Variants in AARS1 observed in about 807,000 individuals in gnomAD.
AARS1 encodes the protein alanyl-tRNA synthetase 1.
A neutral mutation model predicts 108.9 loss-of-function variants in AARS1; 72 were observed. The ratio of observed to expected loss-of-function variants is 0.66; its 90% confidence interval spans 0.55 to 0.80. AARS1 has a LOEUF of 0.80. Ranked by LOEUF, AARS1 falls within the 30% of genes least tolerant of loss-of-function variation. The pLI is 0.00. For missense variants in AARS1, 1,193 were observed against 1,233.2 expected (o/e 0.97, Z 0.49); for synonymous variants, 489 against 465.7 (o/e 1.05, Z -0.64).
At chr16:70,286,054 G>A (rs1451551266) in intron 1 of AARS1, among the ~76,000 whole-genome samples, 1 of 152,158 alleles carries the variant, frequency 6.6e-6, no homozygotes, top group African/African-American at 2.4e-5. Flanking sequence ...ATCATATGCA[G>A]AATTAACTGC....
intron 14 of AARS1, 65 bp from the exon 15 acceptor site, chr16:70,258,282 G>A: frequency 2.0e-6 from 3 of 1,527,952 alleles, no homozygotes; most frequent in South Asian, 2.4e-5. Context: ...CGACGAGGCA[G>A]GAAAGCATGG....
At position 70,252,699 on chromosome 16, in the gene AARS1, T is replaced by C. The variant is rs1000072923; in HGVS notation, c.*22A>G. ...CTCTTGGCTGGACGGATGGATCCAG[T>C]GGGAGCCTCCTCCTTCCCCACTCAG... On this transcript the variant is annotated 3_prime_UTR_variant, in exon 21 of 21. Coordinates refer to ENST00000261772, the MANE Select transcript of AARS1 (RefSeq NM_001605.3). The C allele has an allele frequency of 1.7e-5, 27 of 1,613,104 alleles. No homozygotes were observed. Among genetic ancestry groups the C allele is most frequent in the Non-Finnish European group, 2.3e-5 (27 of 1,179,732 alleles).
rs761976449 is a variant in AARS1 at position 70,258,122 on chromosome 16, G to A, written c.2088C>T (p.Val696=). 1.1e-5 allele frequency: 18 copies of A among 1,613,494 alleles called. No homozygotes were observed. The highest frequency in any genetic ancestry group is 6.7e-5 in the African/African-American group (5 of 74,926). ...FDETYPDPVR[V]VSIGVPVSEL... is the part of the protein sequence containing the mutation. ...CGGACACCGGGACCCCAATGGAGAC[G>A]ACTCGCACAGGGTCAGGATAGGTCT... Residue 696 remains valine (V), a synonymous_variant, in exon 15 of 21, where the codon GTC becomes GTT. Transcript: ENST00000261772.
In AARS1 at chr16:70,270,000, A is replaced by C. The variant is rs553239906; in HGVS notation, c.816+196T>G. Among the ~76,000 whole-genome samples the C allele has an allele frequency of 1.3e-3, 197 of 152,010 alleles. 1 individual carries two copies. The highest frequency in any genetic ancestry group is 6.4e-3 in the South Asian group (31 of 4,818). ...ACATTATTATTTTTTTTTTGTAGTC[A>C]GCTATTTAATTAGGTTCTTAAGACA... On this transcript the variant is annotated intron_variant, in intron 6 of 20. Coordinates refer to ENST00000261772, the MANE Select transcript of AARS1 (RefSeq NM_001605.3).
intron 2 of AARS1, among the ~76,000 whole-genome samples, chr16:70,278,962 GT>G (rs1960622430): frequency 6.6e-6 from 1 of 152,212 alleles, no homozygotes; most frequent in Non-Finnish European, 1.5e-5. Context: ...TGGCAACAGA[GT>G]TCGGCGTAAA....
chr16:70,260,674 T>G (rs549243455), intron 13 of AARS1, among the ~76,000 whole-genome samples: 1 of 151,586 alleles, frequency 6.6e-6, no homozygotes, highest in East Asian at 1.9e-4. Context: ...AGGACAATTT[T>G]TTTTTTGAGG....
At chr16:70,266,633 T>C (rs1960270272) in intron 9 of AARS1, among the ~76,000 whole-genome samples, 1 of 151,816 alleles carries the variant, frequency 6.6e-6, no homozygotes, top group Non-Finnish European at 1.5e-5. Flanking sequence ...GCGATTCTCC[T>C]GCTTCAGTCT....
At chr16:70,288,497 A>G (rs907096344) in intron 1 of AARS1, among the ~76,000 whole-genome samples, 2 of 148,506 alleles carry the variant, frequency 1.3e-5, no homozygotes, top group Non-Finnish European at 3.0e-5. Context: ...CGCTTCATGG[A>G]TTGTTTAATG....
In AARS1 at chr16:70,268,938, G is replaced by A. The variant is rs147218535; in HGVS notation, c.963-559C>T. On this transcript the variant is annotated intron_variant, in intron 7 of 20. Transcript: ENST00000261772. ...GTTTCATAAAGAGGCCGGGCATGGT[G>A]GCTCACACCTGTAATCCCATCACTT... Among the ~76,000 whole-genome samples, 23 of 152,292 alleles carry A rather than the reference G, an allele frequency of 1.5e-4. No homozygotes were observed. The East Asian group carries it at 4.4e-3, about 29-fold the overall frequency.
At chr16:70,275,756 CCAA>C (rs577828514) in intron 4 of AARS1, among the ~76,000 whole-genome samples, 17 of 149,610 alleles carry the variant, frequency 1.1e-4, no homozygotes, top group South Asian at 4.2e-4. Flanking sequence ...GAGCGAGACT[CCAA>C]CAACAACAAC....
In AARS1 at chr16:70,264,996, G is replaced by A; in HGVS notation, c.1454C>T (p.Pro485Leu). ...GGAGTCCAAATGGTAATTGTACTTT[G>A]GGGAATCATCTGTGACCTCCAGACC... The part of the protein sequence containing the change: ...ARGLEVTDDS[P>L]KYNYHLDSSG... The change falls in exon 11 of 21, where the codon CCA becomes CTA. Residue 485 changes from proline to leucine, a missense_variant. Coordinates refer to ENST00000261772, the MANE Select transcript of AARS1 (RefSeq NM_001605.3). 1 of 1,614,120 alleles carries A rather than the reference G, an allele frequency of 6.2e-7. No individual in the cohort carries two copies. The highest frequency in any genetic ancestry group is 1.7e-5 in the Admixed American group (1 of 60,000).
chr16:70,252,355 A>C lies in AARS1; in HGVS notation c.*366T>G. 2.8e-6 allele frequency: 1 copy of C among 357,086 alleles called. No individual in the cohort carries two copies. Among genetic ancestry groups the C allele is most frequent in the Non-Finnish European group, 5.2e-6 (1 of 191,712 alleles). The allele number at this position is 357,086 out of a possible 1,614,324, so 22.1% of individuals were successfully genotyped here. A position where few individuals can be genotyped will look rare whatever the true frequency, so the allele number is the denominator to read the frequency against. ...AAGGCTGTCAAAAGAGCCAGCCCCT[A>C]TTGGGAAGAGGGATAGAGATCATGC... On this transcript the variant is annotated 3_prime_UTR_variant, in exon 21 of 21. Transcript: ENST00000261772.
intron 1 of AARS1, among the ~76,000 whole-genome samples, chr16:70,288,836 G>C (rs1051336247): frequency 1.3e-5 from 2 of 152,058 alleles, no homozygotes; most frequent in Non-Finnish European, 2.9e-5. Flanking sequence ...CAAAGCGCTG[G>C]GATTACAGGC....
chr16:70,260,492 G>C (rs368045599), intron 13 of AARS1, among the ~76,000 whole-genome samples: 12 of 152,152 alleles, frequency 7.9e-5, no homozygotes. Flanking sequence ...AGTAGGTGAC[G>C]TTAGAAAAGC....
chr16:70,273,645 G>T (rs1960464308), intron 4 of AARS1, among the ~76,000 whole-genome samples: 1 of 151,572 alleles, frequency 6.6e-6, no homozygotes, highest in Admixed American at 6.6e-5. Flanking sequence ...GGCCGATCAT[G>T]AGGTCATGAG....
chr16:70,267,764 CCTT>C lies in AARS1; in HGVS notation c.1114_1116del (p.Lys372del). The C allele has an allele frequency of 6.2e-7, 1 of 1,614,168 alleles. No individual in the cohort carries two copies. The highest frequency in any genetic ancestry group is 8.5e-7 in the Non-Finnish European group (1 of 1,180,026). ...TGCACCTCTTCTTCATTAATGATGTCCTTCACCATGTCTGGGTCCTTCTTCAGC... is the reference window on the plus strand; with the variant it reads ...TGCACCTCTTCTTCATTAATGATGTCCACCATGTCTGGGTCCTTCTTCAGC... On this transcript the variant is annotated inframe_deletion, in exon 9 of 21. Coordinates refer to ENST00000261772, the MANE Select transcript of AARS1 (RefSeq NM_001605.3).
intron 1 of AARS1, among the ~76,000 whole-genome samples, chr16:70,284,313 A>C (rs1348634884): frequency 7.1e-6 from 1 of 140,242 alleles, no homozygotes; most frequent in African/African-American, 2.7e-5. Context: ...CTCAAAAAAA[A>C]CAAAAATGGC....
chr16:70,265,184 C>A, intron 10 of AARS1, 82 bp from the exon 11 acceptor site: 1 of 1,550,938 alleles, frequency 6.4e-7, no homozygotes, highest in Non-Finnish European at 8.9e-7. Flanking sequence ...CTAAACTATG[C>A]CCAGCATAAA....
intron 9 of AARS1, 36 bp downstream of exon 9, chr16:70,267,622 AC>A (rs777382610): frequency 1.2e-5 from 19 of 1,613,722 alleles, no homozygotes; most frequent in Non-Finnish European, 1.4e-5. Context: ...GAAAGATCAA[AC>A]GGCCAGGATG....
Sources: gnomAD v4.1 joint callset for allele counts (sites outside exome capture counted in the v4.1 genomes callset) on GRCh38, gnomAD v4.1.1 for gene constraint, MANE v1.5 for transcripts, NCBI Gene and HGNC (gene_info 2026-07-23, HGNC 2026-07-21) for gene names.